RTN4R: variants seen among roughly 807,000 people sequenced by gnomAD.
RTN4R encodes reticulon 4 receptor, also known as reticulon-4 receptor.
A neutral mutation model predicts 27.7 loss-of-function variants in RTN4R; 4 were observed. The ratio of observed to expected loss-of-function variants is 0.14; its 90% CI spans 0.07 to 0.33. The LOEUF (loss-of-function observed/expected upper bound fraction) is 0.33, where lower values mean the gene tolerates loss of function less well. Among genes scored for constraint, RTN4R ranks in the 10% least tolerant of loss-of-function variants. The pLI is 1.00. For synonymous variants in RTN4R, 290 were observed against 305.6 expected, an observed-to-expected ratio of 0.95 and a Z score of 0.53; for missense variants, 554 against 671.5, an observed-to-expected ratio of 0.83 and a Z score of 1.93.
chr22:20,242,328 G>A lies in RTN4R; in HGVS notation c.805C>T (p.Arg269Cys), dbSNP rs1290526725. The A allele has an allele frequency of 1.9e-6, 3 of 1,610,654 alleles. No homozygotes were observed. The highest frequency in any genetic ancestry group is 2.5e-6 in the Non-Finnish European group (3 of 1,179,148). ...TTCTGCAGCCAGGCCCAGAGTGGGC[G>A]TGCCCGGCAGTCACACACCCAGGGG... ...DNPWVCDCRA[R>C]PLWAWLQKFR... The change falls in exon 2 of 2, where the codon CGC becomes TGC. Residue 269 changes from arginine (R) to cysteine (C), a missense_variant. Physicochemically the swap from Arg to Cys is radical, Grantham distance 180 (BLOSUM62 -3). Coordinates refer to ENST00000043402, the MANE Select transcript of RTN4R (RefSeq NM_023004.6).
chr22:20,262,271 G>A (rs2051252232), intron 1 of RTN4R, among the ~76,000 whole-genome samples: 1 of 152,136 alleles, frequency 6.6e-6, no homozygotes, highest in Admixed American at 6.5e-5. Context: ...GGAGCTGTGT[G>A]TGCAGGAGAG....
At chr22:20,265,131 T>G (rs1215231635) in intron 1 of RTN4R, among the ~76,000 whole-genome samples, 2 of 152,176 alleles carry the variant, frequency 1.3e-5, no homozygotes, top group Non-Finnish European at 2.9e-5. Flanking sequence ...CCTCCTGGTG[T>G]TGCACCGGCT....
At chr22:20,259,548 C>A (rs533373270) in intron 1 of RTN4R, among the ~76,000 whole-genome samples, 2 of 152,138 alleles carry the variant, frequency 1.3e-5, no homozygotes, top group East Asian at 3.9e-4. Context: ...GCAGCCTCTG[C>A]CCCTCCCTCC....
At chr22:20,252,538 G>T (rs1376825062) in intron 1 of RTN4R, among the ~76,000 whole-genome samples, 1 of 152,268 alleles carries the variant, frequency 6.6e-6, no homozygotes, top group East Asian at 1.9e-4. Context: ...TGCCTTGCTG[G>T]CCACCTTGCA....
chr22:20,243,600 G>A, intron 1 of RTN4R: 2 of 432,174 alleles, frequency 4.6e-6, no homozygotes, highest in South Asian at 1.7e-5. Flanking sequence ...GATGCCCGAG[G>A]GCGGGGGTGG....
At chr22:20,254,248 G>C (rs1285350516) in intron 1 of RTN4R, among the ~76,000 whole-genome samples, 1 of 151,908 alleles carries the variant, frequency 6.6e-6, no homozygotes, top group African/African-American at 2.4e-5. Context: ...GGGTAACACA[G>C]TAAGACCCTG....
At chr22:20,247,524 A>C (rs1026658144) in intron 1 of RTN4R, among the ~76,000 whole-genome samples, 1 of 116,860 alleles carries the variant, frequency 8.6e-6, no homozygotes, top group Admixed American at 1.1e-4. Flanking sequence ...TCACATGTAC[A>C]CCCACCCGCC....
intron 1 of RTN4R, among the ~76,000 whole-genome samples, chr22:20,264,681 C>A (rs1033768858): frequency 5.3e-5 from 8 of 152,226 alleles, no homozygotes; most frequent in African/African-American, 1.9e-4. Flanking sequence ...AGCCAGACCG[C>A]AGAGCAGGGA....
chr22:20,262,792 C>T (rs991825740), intron 1 of RTN4R, among the ~76,000 whole-genome samples: 9 of 152,254 alleles, frequency 5.9e-5, no homozygotes, highest in Non-Finnish European at 1.3e-4. Flanking sequence ...AGCAAGCCAG[C>T]ACTGCACAAG....
At chr22:20,246,788 C>G (rs971839898) in intron 1 of RTN4R, among the ~76,000 whole-genome samples, 1 of 152,240 alleles carries the variant, frequency 6.6e-6, no homozygotes, top group Non-Finnish European at 1.5e-5. Context: ...CGCCGAGCAC[C>G]GGCTTTCATC....
At chr22:20,254,507 T>A (rs538873580) in intron 1 of RTN4R, among the ~76,000 whole-genome samples, 1 of 149,278 alleles carries the variant, frequency 6.7e-6, no homozygotes, top group East Asian at 1.9e-4. Flanking sequence ...ACAACAACAC[T>A]GCAACAGCTT....
chr22:20,246,632 C>T (rs1380827549), intron 1 of RTN4R, among the ~76,000 whole-genome samples: 1 of 152,220 alleles, frequency 6.6e-6, no homozygotes, highest in Admixed American at 6.5e-5. Context: ...CAGGGATGGC[C>T]TTCTTCATGT....
At chr22:20,264,509 A>G (rs1049456509) in intron 1 of RTN4R, among the ~76,000 whole-genome samples, 3 of 152,212 alleles carry the variant, frequency 2.0e-5, no homozygotes, top group Non-Finnish European at 4.4e-5. Flanking sequence ...CCCGATGCCA[A>G]GGATCACACC....
chr22:20,258,375 C>T (rs2051224461), intron 1 of RTN4R, among the ~76,000 whole-genome samples: 1 of 152,244 alleles, frequency 6.6e-6, no homozygotes, highest in African/African-American at 2.4e-5. Flanking sequence ...TCCTCGTCTG[C>T]ACCACTGCCT....
chr22:20,253,699 A>G (rs1047610396), intron 1 of RTN4R, among the ~76,000 whole-genome samples: 7 of 152,218 alleles, frequency 4.6e-5, no homozygotes, highest in African/African-American at 1.7e-4. Context: ...ACAGTGTGGG[A>G]AAAAGACAAA....
rs1371470305 is a variant in RTN4R at position 20,255,992 on chromosome 22, G to C, written c.22+12079C>G. ...AAATTATTCCTATATGATTGTGTGT[G>C]ATAACTCTTCCTTATTTGAAATCAA... On this transcript the variant is annotated intron_variant, in intron 1 of 1. Transcript: ENST00000043402. This position sits in a 1 kb window ranked among gnomAD's most constrained non-coding sequence, Gnocchi z 4.8. 6.6e-6 allele frequency among the ~76,000 whole-genome samples: 1 copy of C among 152,266 alleles called. No individual in the cohort carries two copies. The highest frequency in any genetic ancestry group is 2.4e-5 in the African/African-American group (1 of 41,472).
chr22:20,246,241 C>G (rs1327719548), intron 1 of RTN4R, among the ~76,000 whole-genome samples: 3 of 152,194 alleles, frequency 2.0e-5, no homozygotes, highest in Non-Finnish European at 2.9e-5. Flanking sequence ...TGACCGGATA[C>G]TGACCCAGAG....
Position 20,241,735 on chromosome 22 carries a change from C to T in RTN4R, c.1398G>A (p.Leu466=), listed in dbSNP as rs1309033080. 22 of 1,550,522 alleles carry T rather than the reference C, an allele frequency of 1.4e-5. No individual in the cohort carries two copies. In the East Asian group the frequency reaches 5.4e-4, roughly 38 times the overall value. Residue 466 remains leucine, a synonymous_variant, in exon 2 of 2, where the codon CTG becomes CTA. Coordinates refer to ENST00000043402, the MANE Select transcript of RTN4R (RefSeq NM_023004.6). The part of the protein sequence containing the change: ...SLTPLGLALV[L]WTVLGPC ...GTCAGCAGGGCCCAAGCACTGTCCA[C>T]AGCACCAGCGCCAGGCCCAGGGGGG...
In RTN4R at chr22:20,241,572, C is replaced by T. The variant is rs1029405665; in HGVS notation, c.*139G>A. 8.1e-6 allele frequency: 7 copies of T among 868,998 alleles called. No individual in the cohort carries two copies. Among genetic ancestry groups the T allele is most frequent in the East Asian group, 2.7e-5 (1 of 37,122 alleles). The allele number at this position is 868,998 out of a possible 1,614,324, so 53.8% of individuals were successfully genotyped here. A position where few individuals can be genotyped will look rare whatever the true frequency, so the allele number is the denominator to read the frequency against. On this transcript the variant is annotated 3_prime_UTR_variant, in exon 2 of 2. Transcript: ENST00000043402. ...CATGATGGGGTGGAGATGGGGGTGGCGGGCGGCAGGCGTCCATCAGGGAGG... is the reference window on the plus strand; with the variant it reads ...CATGATGGGGTGGAGATGGGGGTGGTGGGCGGCAGGCGTCCATCAGGGAGG...
Sources: gnomAD v4.1 joint callset for allele counts (sites outside exome capture counted in the v4.1 genomes callset) on GRCh38, gnomAD v4.1.1 for gene constraint, Gnocchi (gnomAD v3.1) non-coding constraint, MANE v1.5 for transcripts, NCBI Gene and HGNC (gene_info 2026-07-23, HGNC 2026-07-21) for gene names.